SDHD: variants seen among roughly 807,000 people sequenced by gnomAD.
SDHD encodes succinate dehydrogenase complex subunit D.
Under a neutral mutation model 18.7 loss-of-function variants are expected in SDHD, and 6 were observed. That is an observed-to-expected ratio of 0.32 (90% CI 0.18 to 0.63). SDHD has a LOEUF of 0.63. SDHD is among the 30% of genes least tolerant of loss of function. The pLI is 0.79. For synonymous variants in SDHD, 56 were observed against 73.9 expected (o/e 0.76, Z 1.24); for missense variants, 160 against 192.7 (o/e 0.83, Z 1.00).
At chr11:112,094,410 A>AATAG (rs1251391573) in intron 3 of SDHD, among the ~76,000 whole-genome samples, 1 of 151,858 alleles carries the variant, frequency 6.6e-6, no homozygotes, top group African/African-American at 2.4e-5. Flanking sequence ...TAAATAAATA[A>AATAG]ATAAATAAAT....
chr11:112,091,610 C>T (rs1865746707), intron 3 of SDHD, among the ~76,000 whole-genome samples: 1 of 152,176 alleles, frequency 6.6e-6, no homozygotes, highest in African/African-American at 2.4e-5. Context: ...TATCCCAGAT[C>T]TAACATTGGC....
chr11:112,090,791 G>A (rs1429517564), intron 3 of SDHD, among the ~76,000 whole-genome samples: 2 of 151,678 alleles, frequency 1.3e-5, no homozygotes, highest in Non-Finnish European at 2.9e-5. Flanking sequence ...TGCCTCCTGG[G>A]TTCAAGCAAT....
At chr11:112,093,144 G>A (rs1333817000) in intron 3 of SDHD, 6 of 383,534 alleles carry the variant, frequency 1.6e-5, no homozygotes, top group Admixed American at 3.0e-5. Context: ...TCAGCTTACT[G>A]CAACCTCCGC....
chr11:112,093,027 CTTTTTT>C (rs1161641648), intron 3 of SDHD: 44 of 135,598 alleles, frequency 3.2e-4, no homozygotes, highest in South Asian at 5.0e-4. Flanking sequence ...TATTGTATGG[CTTTTTT>C]TTTTTTTTTT....
rs1353105646 is a variant in SDHD, at chr11:112,087,080, G to A, written c.52+121G>A. 5 of 1,106,060 alleles carry A rather than the reference G, an allele frequency of 4.5e-6. No homozygotes were observed. In the African/African-American group the frequency reaches 7.7e-5, roughly 17 times the overall value. The allele number at this position is 1,106,060 out of a possible 1,614,324, so 68.5% of individuals were successfully genotyped here. ...AGGAGAAGAAAATACCGAAATCACA[G>A]CAATGACCACTGTAGTCTAGGGGTC... On this transcript the variant is annotated intron_variant, in intron 1 of 3. Transcript: ENST00000375549.
chr11:112,091,017 G>GT, intron 3 of SDHD: 1 of 759,518 alleles, frequency 1.3e-6, no homozygotes, highest in African/African-American at 1.9e-5. Flanking sequence ...TAATTATCTG[G>GT]TTTTGTAGGA....
rs536655851 is a variant in SDHD at position 112,089,312 on chromosome 11, TC to T, written c.314+302del. Among the ~76,000 whole-genome samples the T allele has an allele frequency of 1.5e-4, 23 of 152,308 alleles. No individual in the cohort carries two copies. The East Asian group carries it at 4.2e-3, about 28-fold the overall frequency. Reference sequence around the variant, plus strand: ...TCTGAATTAATGGCATTTCCAGTTTTCTCTTTGTTCAAGTCTAAACCTGGTA... The same window carrying T: ...TCTGAATTAATGGCATTTCCAGTTTTTCTTTGTTCAAGTCTAAACCTGGTA... On this transcript the variant is annotated intron_variant, in intron 3 of 3. Coordinates refer to ENST00000375549, the MANE Select transcript of SDHD (RefSeq NM_003002.4).
intron 3 of SDHD, chr11:112,093,027 C>CTTTT (rs1161641648): frequency 4.5e-4 from 61 of 135,688 alleles, no homozygotes; most frequent in African/African-American, 9.1e-4. Flanking sequence ...TATTGTATGG[C>CTTTT]TTTTTTTTTT....
At position 112,094,969 on chromosome 11, in the gene SDHD, G is replaced by T. The variant is rs201372601; in HGVS notation, c.479G>T (p.Ter160LeuextTer3). 15 of 1,610,500 alleles carry T rather than the reference G, an allele frequency of 9.3e-6. No homozygotes were observed. The highest frequency in any genetic ancestry group is 3.3e-5 in the South Asian group (3 of 90,898). ...GCTGTTGCCATGCTGTGGAAGCTCTGACCTTTTTGACTTCATACTTTGAAG... is the reference window on the plus strand; with the variant it reads ...GCTGTTGCCATGCTGTGGAAGCTCTTACCTTTTTGACTTCATACTTTGAAG... ...CKAVAMLWKL[*>L] Residue 160 changes from the stop codon to leucine, a stop_lost, in exon 4 of 4, where the codon TGA (stop) becomes TTA (leucine). Coordinates refer to ENST00000375549, the MANE Select transcript of SDHD (RefSeq NM_003002.4).
At chr11:112,092,591 G>T (rs554822055) in intron 3 of SDHD, among the ~76,000 whole-genome samples, 1 of 152,272 alleles carries the variant, frequency 6.6e-6, no homozygotes, top group Admixed American at 6.5e-5. Flanking sequence ...ACCCCATTAG[G>T]ATGGCTGTAA....
At chr11:112,088,652 C>A in intron 2 of SDHD, 1 of 623,462 alleles carries the variant, frequency 1.6e-6, no homozygotes, top group South Asian at 1.8e-5. Flanking sequence ...ATTGAGATAC[C>A]CTTGTGCTAA....
At chr11:112,088,014 A>G in intron 2 of SDHD, 41 bp downstream of exon 2, 2 of 1,339,046 alleles carry the variant, frequency 1.5e-6, no homozygotes, top group Non-Finnish European at 2.2e-6. Flanking sequence ...GGCTCTAGCC[A>G]TCTTTACCTT....
intron 1 of SDHD, 32 bp from the exon 2 acceptor site, chr11:112,087,825 T>A: frequency 7.1e-7 from 1 of 1,417,632 alleles, no homozygotes; most frequent in Non-Finnish European, 1.0e-6. Flanking sequence ...AAGGAGAGGT[T>A]CTTATGATCA....
chr11:112,088,330 G>C (rs1865667240), intron 2 of SDHD: 1 of 354,012 alleles, frequency 2.8e-6, no homozygotes, highest in African/African-American at 2.1e-5. Context: ...CTCCCGACTA[G>C]CTGGGATTAC....
In SDHD at chr11:112,095,201, C is replaced by T. The variant is rs201662641; in HGVS notation, c.*231C>T. The T allele has an allele frequency of 3.1e-5, 17 of 543,374 alleles. No individual in the cohort carries two copies. The highest frequency in any genetic ancestry group is 5.0e-5 in the Non-Finnish European group (15 of 301,776). 33.7% of individuals were successfully genotyped at this position (543,374 alleles called of 1,614,324 possible). A position where few individuals can be genotyped will look rare whatever the true frequency, so the allele number is the denominator to read the frequency against. ...ATATTCTGGTGAGTTAATGGGGTTG[C>T]CTCCCAGCTTCTTATAAGACTCACA... On this transcript the variant is annotated 3_prime_UTR_variant, in exon 4 of 4. Transcript: ENST00000375549.
At chr11:112,087,821 A>T (rs201619027) in intron 1 of SDHD, 36 bp from the exon 2 acceptor site, 49 of 1,341,544 alleles carry the variant, frequency 3.7e-5, no homozygotes, top group Non-Finnish European at 4.8e-5. Flanking sequence ...GTTAAAGGAG[A>T]GGTTCTTATG....
intron 2 of SDHD, 31 bp from the exon 3 acceptor site, chr11:112,088,836 T>C (rs966219481): frequency 1.2e-6 from 2 of 1,611,762 alleles, no homozygotes; most frequent in African/African-American, 2.7e-5. Flanking sequence ...GTTTCTCACA[T>C]CAACTTTTAT....
intron 3 of SDHD, among the ~76,000 whole-genome samples, chr11:112,092,408 C>A (rs1440941529): frequency 6.6e-6 from 1 of 152,090 alleles, no homozygotes; most frequent in Non-Finnish European, 1.5e-5. Flanking sequence ...TTGCTCTGTC[C>A]CCCACCCACT....
chr11:112,094,159 G>T (rs1865797271), intron 3 of SDHD, among the ~76,000 whole-genome samples: 1 of 152,078 alleles, frequency 6.6e-6, no homozygotes, highest in South Asian at 2.1e-4. Context: ...CAACACTTTG[G>T]GAGGCTGAGG....
Sources: allele counts gnomAD v4.1 joint callset (sites outside exome capture counted in the v4.1 genomes callset), GRCh38; gene constraint gnomAD v4.1.1; transcripts MANE v1.5; gene names NCBI Gene and HGNC (gene_info 2026-07-23, HGNC 2026-07-21).